Variants in COL11A1 observed in about 807,000 individuals in gnomAD.
COL11A1 encodes collagen type XI alpha 1 chain, also known as collagen alpha-1(XI) chain.
Under a neutral mutation model 265.2 loss-of-function variants are expected in COL11A1, and 74 were observed. That is an observed-to-expected ratio of 0.28 (90% confidence interval 0.23 to 0.34). The LOEUF is 0.34. Ranked by LOEUF, COL11A1 falls within the 10% of genes least tolerant of loss-of-function variation. The pLI, the probability that COL11A1 is intolerant of heterozygous loss-of-function variation, is 1.00. For missense variants in COL11A1, 2,165 were observed against 2,263.6 expected, an observed-to-expected ratio of 0.96 and a Z score of 0.88; for synonymous variants, 816 against 727.6, an observed-to-expected ratio of 1.12 and a Z score of -1.96.
chr1:102,979,200 C>T, intron 32 of COL11A1, 96 bp from the exon 33 acceptor site: 1 of 1,308,036 alleles, frequency 7.6e-7, no homozygotes, highest in Non-Finnish European at 1.1e-6. Context: ...ATCATTCATT[C>T]ATTCATTCAT....
chr1:102,944,334 A>ATTACCC (rs1226684400), intron 42 of COL11A1, among the ~76,000 whole-genome samples: 6 of 152,138 alleles, frequency 3.9e-5, no homozygotes, highest in African/African-American at 1.4e-4. Flanking sequence ...GAACACTCTT[A>ATTACCC]TTACCCACTT....
chr1:102,886,338 C>T (rs1650973561), intron 63 of COL11A1, among the ~76,000 whole-genome samples: 1 of 152,148 alleles, frequency 6.6e-6, no homozygotes, highest in South Asian at 2.1e-4. Context: ...TATCCCAGTT[C>T]TTAATATTCT....
At chr1:103,005,569 T>G (rs1229030856) in intron 18 of COL11A1, among the ~76,000 whole-genome samples, 2 of 152,206 alleles carry the variant, frequency 1.3e-5, no homozygotes, top group African/African-American at 2.4e-5. Context: ...TCTGTTTATG[T>G]GATATTTTCC....
At chr1:103,004,527 G>A (rs1447263942) in intron 19 of COL11A1, 39 bp from the exon 20 acceptor site, 3 of 1,594,480 alleles carry the variant, frequency 1.9e-6, no homozygotes, top group Non-Finnish European at 2.6e-6. Flanking sequence ...AGAACATTTG[G>A]ACAATGTATC....
intron 28 of COL11A1, among the ~76,000 whole-genome samples, chr1:102,993,286 A>T (rs1378074750): frequency 6.6e-6 from 1 of 152,098 alleles, no homozygotes; most frequent in Non-Finnish European, 1.5e-5. Context: ...CTCCTTTGTC[A>T]ATTCAGTGAG....
rs538255533 is a variant in COL11A1, at chr1:103,085,559, A to T, written c.107-2587T>A. Among the ~76,000 whole-genome samples, 5 of 152,244 alleles carry T rather than the reference A, an allele frequency of 3.3e-5. No individual in the cohort carries two copies. The South Asian group carries it at 1.0e-3, about 32-fold the overall frequency. On this transcript the variant is annotated intron_variant, in intron 1 of 66. Coordinates refer to ENST00000370096, the MANE Select transcript of COL11A1 (RefSeq NM_001854.4). ...TTTTTTCTTATCAACATTATCACTG[A>T]ACGAGTTGAACAAAACAACAGTATT... is the stretch of plus-strand genomic sequence containing the variant.
intron 42 of COL11A1, among the ~76,000 whole-genome samples, chr1:102,943,482 C>CACACACACACACACACACAA: frequency 8.3e-6 from 1 of 120,988 alleles, no homozygotes; most frequent in East Asian, 2.4e-4. Context: ...CACACACACA[C>CACACACACACACACACACAA]ACAAACAACC....
chr1:102,913,757 G>C (rs1292586657), intron 52 of COL11A1, 67 bp from the exon 53 acceptor site: 6 of 1,402,522 alleles, frequency 4.3e-6, no homozygotes, highest in Middle Eastern at 1.8e-4. Context: ...TACTTATCAG[G>C]AAAAAAGTAT....
intron 42 of COL11A1, among the ~76,000 whole-genome samples, chr1:102,943,472 C>CAT: frequency 1.0e-5 from 1 of 98,644 alleles, no homozygotes; most frequent in East Asian, 2.5e-4. Context: ...CACACACACA[C>CAT]ACACACACAC....
chr1:103,032,395 C>G (rs12128196), intron 4 of COL11A1, among the ~76,000 whole-genome samples: 9 of 151,832 alleles, frequency 5.9e-5, no homozygotes, highest in Non-Finnish European at 1.2e-4. Flanking sequence ...TTAACAGATA[C>G]TTATTGAGAA....
rs960451869 is a variant in COL11A1 at position 103,022,657 on chromosome 1, C to A, written c.1245+85G>T. The A allele has an allele frequency of 3.0e-5, 47 of 1,551,706 alleles. No individual in the cohort carries two copies. The African/African-American group carries it at 5.9e-4, about 19-fold the overall frequency. ...ATAAAAATTCAACCTGCATTTTAAA[C>A]CTGAAAAGACATTAAGATGGACATG... On this transcript the variant is annotated intron_variant, in intron 8 of 66. Transcript: ENST00000370096.
intron 47 of COL11A1, among the ~76,000 whole-genome samples, chr1:102,922,957 G>T (rs1304836882): frequency 6.6e-6 from 1 of 152,128 alleles, no homozygotes; most frequent in East Asian, 1.9e-4. Context: ...ATCTAAGGTA[G>T]TGCTTCATAA....
chr1:102,969,583 C>T (rs898684460), intron 37 of COL11A1, among the ~76,000 whole-genome samples: 1 of 152,202 alleles, frequency 6.6e-6, no homozygotes, highest in African/African-American at 2.4e-5. Flanking sequence ...CATCACTGAG[C>T]TGCCAGTTTC....
intron 6 of COL11A1, 140 bp downstream of exon 6, chr1:103,026,076 C>T: frequency 3.3e-6 from 4 of 1,227,708 alleles, no homozygotes; most frequent in Non-Finnish European, 4.8e-6. Context: ...CGGCTACTGT[C>T]AAATAAAAAT....
chr1:102,947,017 CTTAT>C (rs1303700976), intron 41 of COL11A1, 61 bp from the exon 42 acceptor site: 11 of 1,330,122 alleles, frequency 8.3e-6, no homozygotes, highest in Non-Finnish European at 1.2e-5. Flanking sequence ...TTAAGAATCA[CTTAT>C]TTAACAATAG....
At chr1:103,016,723 A>G (rs1666597650) in intron 11 of COL11A1, among the ~76,000 whole-genome samples, 1 of 152,000 alleles carries the variant, frequency 6.6e-6, no homozygotes, top group Non-Finnish European at 1.5e-5. Flanking sequence ...GATTGGCAAA[A>G]TTATATTTTA....
chr1:103,006,035 G>A (rs1448344317), intron 17 of COL11A1, 33 bp downstream of exon 17: 19 of 1,612,540 alleles, frequency 1.2e-5, no homozygotes, highest in Non-Finnish European at 1.4e-5. Context: ...AACTGACACA[G>A]GATGTGAATA....
At chr1:102,971,639 C>T (rs770289599) in intron 36 of COL11A1, among the ~76,000 whole-genome samples, 59 of 151,842 alleles carry the variant, frequency 3.9e-4, no homozygotes, top group Non-Finnish European at 6.9e-4. Flanking sequence ...TCTCAAATAG[C>T]TTTCTTCCAA....
chr1:102,914,228 T>G (rs1557812599), intron 52 of COL11A1, 124 bp downstream of exon 52: 1 of 791,520 alleles, frequency 1.3e-6, no homozygotes, highest in African/African-American at 1.7e-5. Flanking sequence ...ACTTTTTATG[T>G]TTTCTTTTTC....
Sources: allele counts gnomAD v4.1 joint callset (sites outside exome capture counted in the v4.1 genomes callset), GRCh38; gene constraint gnomAD v4.1.1; transcripts MANE v1.5; gene names NCBI Gene and HGNC (gene_info 2026-07-23, HGNC 2026-07-21).